Variants in ACTR10 observed in about 807,000 individuals in gnomAD.
ACTR10 encodes actin-related protein 10.
ACTR10 carries 43 observed loss-of-function variants against 56.2 expected under a neutral mutation model. The ratio of observed to expected loss-of-function variants is 0.77; its 90% confidence interval spans 0.60 to 0.99. The LOEUF (loss-of-function observed/expected upper bound fraction) is 0.99, where lower values mean the gene tolerates loss of function less well. ACTR10 is among the 50% of genes least tolerant of loss of function. The probability of loss-of-function intolerance (pLI) is 0.00; values close to 1 mark genes in which losing one functional copy is unlikely to be tolerated. For synonymous variants in ACTR10, 170 were observed against 176.3 expected (o/e 0.96, Z 0.28); for missense variants, 466 against 507.8 (o/e 0.92, Z 0.79).
intron 7 of ACTR10, among the ~76,000 whole-genome samples, chr14:58,218,359 T>C (rs540461900): frequency 6.6e-6 from 1 of 152,324 alleles, no homozygotes; most frequent in South Asian, 2.1e-4. Context: ...TTTTTTATCA[T>C]GTACTGGCCC....
In ACTR10 at chr14:58,200,157, A is replaced by C; in HGVS notation, c.-61A>C. On this transcript the variant is annotated 5_prime_UTR_variant, in exon 1 of 13. Transcript: ENST00000254286. ...GCCGGAGCCCCGGCCCCGCCCCGCG[A>C]GCGCCGAGACTTGTTGGCCGCGGAG... The C allele has an allele frequency of 7.8e-7, 1 of 1,286,016 alleles. No individual in the cohort carries two copies. Among genetic ancestry groups the C allele is most frequent in the African/African-American group, 1.5e-5 (1 of 65,228 alleles). The allele number at this position is 1,286,016 out of a possible 1,614,324, so 79.7% of individuals were successfully genotyped here. A position where few individuals can be genotyped will look rare whatever the true frequency, so the allele number is the denominator to read the frequency against.
In ACTR10 at chr14:58,211,949, A is replaced by AG. The variant is rs1160995533; in HGVS notation, c.450+550_450+551insG. ...AGCGAGACTCTGTCTCAAAAAAAAA[A>AG]AAAGAATACGTTTTTTCTTTTCTTT... On this transcript the variant is annotated intron_variant, in intron 5 of 12. Transcript: ENST00000254286. Among the ~76,000 whole-genome samples the AG allele has an allele frequency of 4.6e-5, 7 of 150,762 alleles. No individual in the cohort carries two copies. The East Asian group carries it at 1.2e-3, about 25-fold the overall frequency.
chr14:58,228,025 C>G (rs918607337), intron 10 of ACTR10, among the ~76,000 whole-genome samples: 2 of 152,110 alleles, frequency 1.3e-5, no homozygotes. Context: ...TTGCTTGAGC[C>G]TGGGATGTAG....
intron 6 of ACTR10, among the ~76,000 whole-genome samples, chr14:58,214,485 TTTATTATTA>T (rs537124173): frequency 6.6e-6 from 1 of 151,094 alleles, no homozygotes; most frequent in Non-Finnish European, 1.5e-5. Context: ...GGGGAAGACC[TTTATTATTA>T]TTATTATTAT....
At position 58,226,641 on chromosome 14, in the gene ACTR10, C is replaced by G. The variant is rs539982013; in HGVS notation, c.788+2785C>G. Among the ~76,000 whole-genome samples the G allele has an allele frequency of 1.1e-3, 168 of 151,926 alleles. 1 individual carries two copies. The highest frequency in any genetic ancestry group is 3.4e-3 in the Middle Eastern group (1 of 294). On this transcript the variant is annotated intron_variant, in intron 10 of 12. Transcript: ENST00000254286. ...TTGAGGTGGAGTTTCACTCTTGTTG[C>G]CCAGGCTGGAGTGCAATGATGTGGT...
At chr14:58,234,134 T>C (rs1182597206) in intron 12 of ACTR10, among the ~76,000 whole-genome samples, 1 of 152,212 alleles carries the variant, frequency 6.6e-6, no homozygotes, top group Non-Finnish European at 1.5e-5. Context: ...GTTATCATAT[T>C]CACTATTATC....
At chr14:58,209,643 A>G (rs1372120336) in intron 4 of ACTR10, among the ~76,000 whole-genome samples, 1 of 152,176 alleles carries the variant, frequency 6.6e-6, no homozygotes, top group Non-Finnish European at 1.5e-5. Flanking sequence ...ACCTCATAAT[A>G]TAAGTAATAT....
chr14:58,227,502 C>T (rs953905438), intron 10 of ACTR10, among the ~76,000 whole-genome samples: 5 of 152,202 alleles, frequency 3.3e-5, no homozygotes, highest in African/African-American at 1.2e-4. Flanking sequence ...TTGTTTTCTA[C>T]CTTAATATTT....
rs750111815 is a variant in ACTR10 at position 58,213,688 on chromosome 14, G to T, written c.508G>T (p.Ala170Ser). 2 of 1,611,484 alleles carry T rather than the reference G, an allele frequency of 1.2e-6. No homozygotes were observed. The highest frequency in any genetic ancestry group is 4.5e-5 in the East Asian group (2 of 44,782). Reference sequence around the variant, plus strand: ...GGGAGCACTACCCCTAGGAGGAAAAGCTCTTCACAAGTAAGTTTCTTGGAA... The same window carrying T: ...GGGAGCACTACCCCTAGGAGGAAAATCTCTTCACAAGTAAGTTTCTTGGAA... Reference protein sequence around the residue: ...CWGALPLGGKALHKELETQLL... With the variant: ...CWGALPLGGKSLHKELETQLL... Residue 170 changes from alanine (A) to serine (S), a missense_variant, in exon 6 of 13, where the codon GCT (alanine) becomes TCT (serine). Physicochemically the swap from Ala to Ser is moderately conservative, Grantham distance 99. Coordinates refer to ENST00000254286, the MANE Select transcript of ACTR10 (RefSeq NM_018477.3).
At chr14:58,219,061 C>T (rs35119082) in intron 7 of ACTR10, among the ~76,000 whole-genome samples, 8,934 of 152,196 alleles carry the variant, frequency 0.059, 288 homozygotes, top group Middle Eastern at 0.078. Context: ...CTCAGGTGAT[C>T]GGCCCACCTT....
chr14:58,223,637 T>C lies in ACTR10; in HGVS notation c.650T>C (p.Val217Ala). ...TTCCTTAAAGCGCGTACTTGCTTTG[T>C]AAGTGATCTGAAGCGAGGACTAAAA... ...LEDIKARTCF[V>A]SDLKRGLKIQ... The change falls in exon 9 of 13, where the codon GTA (valine) becomes GCA (alanine). Residue 217 changes from valine (V) to alanine (A), a missense_variant. Physicochemically the swap from Val to Ala is moderately conservative, Grantham distance 64 (BLOSUM62 0). Transcript: ENST00000254286. 1.2e-6 allele frequency: 2 copies of C among 1,613,126 alleles called. No homozygotes were observed. Among genetic ancestry groups the C allele is most frequent in the Non-Finnish European group, 1.7e-6 (2 of 1,179,688 alleles).
chr14:58,215,229 A>C lies in ACTR10; in HGVS notation c.543A>C (p.Glu181Asp), dbSNP rs1555349815. 1 of 1,606,968 alleles carries C rather than the reference A, an allele frequency of 6.2e-7. No individual in the cohort carries two copies. The highest frequency in any genetic ancestry group is 8.5e-7 in the Non-Finnish European group (1 of 1,177,350). ...GAGAGTTGGAAACTCAACTATTGGA[A>C]CAATGTACTGTTGACACAAGTGTTG... ...LHKELETQLL[E>D]QCTVDTSVAK... is the part of the protein sequence containing the mutation. Residue 181 changes from glutamate to aspartate, a missense_variant, in exon 7 of 13, where the codon GAA becomes GAC. Physicochemically the swap from Glu to Asp is conservative, Grantham distance 45. Transcript: ENST00000254286.
At chr14:58,200,424 C>T (rs1888677737) in intron 1 of ACTR10, 130 bp downstream of exon 1, 1 of 630,146 alleles carries the variant, frequency 1.6e-6, no homozygotes, top group Non-Finnish European at 2.3e-6. Context: ...CAACCAGCGC[C>T]CTTGCAAATA....
chr14:58,232,049 T>C lies in ACTR10; in HGVS notation c.871-17T>C. The C allele has an allele frequency of 6.3e-7, 1 of 1,581,186 alleles. No individual in the cohort carries two copies. Among genetic ancestry groups the C allele is most frequent in the Non-Finnish European group, 8.6e-7 (1 of 1,159,146 alleles). On this transcript the variant is annotated splice_polypyrimidine_tract_variant and intron_variant, in intron 11 of 12. Transcript: ENST00000254286. ...ACAGTTCAGAATAAATCCTTCTTTTTTTCTTTTTAATAACAGTGTCCGATA... is the reference window on the plus strand; with the variant it reads ...ACAGTTCAGAATAAATCCTTCTTTTCTTCTTTTTAATAACAGTGTCCGATA...
chr14:58,219,878 C>A (rs1304834285), intron 8 of ACTR10, 149 bp downstream of exon 8: 4 of 502,014 alleles, frequency 8.0e-6, no homozygotes, highest in Non-Finnish European at 1.3e-5. Flanking sequence ...ACTCTAAGTA[C>A]AAATTCCACT....
chr14:58,202,579 A>G (rs1409135246), intron 1 of ACTR10, among the ~76,000 whole-genome samples: 1 of 151,666 alleles, frequency 6.6e-6, no homozygotes, highest in South Asian at 2.1e-4. Flanking sequence ...GCCAGACTCC[A>G]TCTCAAAAAA....
At chr14:58,225,712 C>CTT (rs879692273) in intron 10 of ACTR10, among the ~76,000 whole-genome samples, 5 of 143,782 alleles carry the variant, frequency 3.5e-5, no homozygotes, top group African/African-American at 1.0e-4. Flanking sequence ...GTTCACACTT[C>CTT]TTTTTTTTTT....
chr14:58,224,732 G>A (rs773843577), intron 10 of ACTR10, among the ~76,000 whole-genome samples: 2 of 152,150 alleles, frequency 1.3e-5, no homozygotes, highest in Non-Finnish European at 2.9e-5. Flanking sequence ...GCCGGGCGCA[G>A]TGGCTCATGC....
intron 7 of ACTR10, among the ~76,000 whole-genome samples, chr14:58,215,973 C>CTTTTTTTTTTTTTTT (rs754573194): frequency 7.4e-6 from 1 of 135,766 alleles, no homozygotes. Context: ...TTCTTTCTTT[C>CTTTTTTTTTTTTTTT]TTTTTTTTTT....
Sources: gnomAD v4.1 joint callset for allele counts (sites outside exome capture counted in the v4.1 genomes callset) on GRCh38, gnomAD v4.1.1 for gene constraint, MANE v1.5 for transcripts, NCBI Gene and HGNC (gene_info 2026-07-23, HGNC 2026-07-21) for gene names.